The following CTNNA3 variants were observed in gnomAD, a reference collection of about 807,000 sequenced individuals.
The protein encoded by CTNNA3 is catenin alpha-3.
Under a neutral mutation model 95.7 loss-of-function variants are expected in CTNNA3, and 76 were observed. The observed-to-expected ratio is 0.79, with a 90% CI of 0.66 to 0.96. The LOEUF is 0.96. Ranked by LOEUF, CTNNA3 falls within the 40% of genes least tolerant of loss-of-function variation. CTNNA3 has a pLI of 0.00. For missense variants in CTNNA3, 1,191 were observed against 1,089.8 expected (o/e 1.09, Z -1.31); for synonymous variants, 431 against 374.4 (o/e 1.15, Z -1.74).
intron 5 of CTNNA3, among the ~76,000 whole-genome samples, chr10:67,515,688 G>A (rs1190640165): frequency 6.6e-6 from 1 of 152,106 alleles, no homozygotes; most frequent in Non-Finnish European, 1.5e-5. Context: ...GCAGTCCTTG[G>A]TTCACTTACC....
At chr10:66,686,036 T>A (rs1847283728) in intron 9 of CTNNA3, among the ~76,000 whole-genome samples, 1 of 152,216 alleles carries the variant, frequency 6.6e-6, no homozygotes, top group African/African-American at 2.4e-5. Context: ...TATTTCCATA[T>A]GCACAGTTTA....
chr10:66,436,621 C>A (rs1248925125), intron 11 of CTNNA3, among the ~76,000 whole-genome samples: 3 of 150,144 alleles, frequency 2.0e-5, no homozygotes, highest in Non-Finnish European at 4.4e-5. Flanking sequence ...TACAGGACAC[C>A]TATGGGTCTT....
intron 13 of CTNNA3, among the ~76,000 whole-genome samples, chr10:66,171,090 G>T (rs980968698): frequency 6.6e-6 from 1 of 152,096 alleles, no homozygotes; most frequent in East Asian, 1.9e-4. Flanking sequence ...CCGAGATGGA[G>T]CCACTGCACT....
At chr10:67,019,454 G>A (rs1852858173) in intron 7 of CTNNA3, among the ~76,000 whole-genome samples, 1 of 152,168 alleles carries the variant, frequency 6.6e-6, no homozygotes, top group Admixed American at 6.5e-5. Flanking sequence ...CCGACCTCAG[G>A]TGATCCCCCT....
intron 11 of CTNNA3, among the ~76,000 whole-genome samples, chr10:66,509,703 T>G (rs1840587904): frequency 6.6e-6 from 1 of 152,024 alleles, no homozygotes; most frequent in South Asian, 2.1e-4. Context: ...TTCTGGGTTC[T>G]CTATCTTATT....
At chr10:66,478,984 C>A (rs1485186513) in intron 11 of CTNNA3, among the ~76,000 whole-genome samples, 1 of 151,738 alleles carries the variant, frequency 6.6e-6, no homozygotes, top group Admixed American at 6.6e-5. Context: ...TTTTTCCTAA[C>A]CCAAGGTCAT....
intron 15 of CTNNA3, 24 bp from the exon 16 acceptor site, chr10:65,988,821 A>T (rs1272174758): frequency 6.5e-7 from 1 of 1,545,178 alleles, no homozygotes; most frequent in Non-Finnish European, 8.9e-7. Context: ...TATATATGTT[A>T]GCTGTGGTGT....
intron 10 of CTNNA3, among the ~76,000 whole-genome samples, chr10:66,540,563 T>C (rs1340608668): frequency 6.6e-6 from 1 of 152,068 alleles, no homozygotes; most frequent in Non-Finnish European, 1.5e-5. Flanking sequence ...TTGAGCCGTT[T>C]TTTCATGTAA....
chr10:66,293,172 G>A (rs927961644), intron 12 of CTNNA3, among the ~76,000 whole-genome samples: 1 of 152,086 alleles, frequency 6.6e-6, no homozygotes. Context: ...GTCCTATAAA[G>A]CTTTTAAAAG....
chr10:66,847,866 G>A (rs923560287), intron 7 of CTNNA3, among the ~76,000 whole-genome samples: 1 of 152,040 alleles, frequency 6.6e-6, no homozygotes, highest in Admixed American at 6.5e-5. Context: ...AATGTATTAG[G>A]AATTAATAGA....
chr10:66,008,251 G>A (rs2078936304), intron 15 of CTNNA3, among the ~76,000 whole-genome samples: 1 of 152,192 alleles, frequency 6.6e-6, no homozygotes, highest in South Asian at 2.1e-4. Context: ...AGGTTACTCT[G>A]AATATAATTC....
chr10:66,858,529 T>C (rs576589458), intron 7 of CTNNA3, among the ~76,000 whole-genome samples: 1 of 152,126 alleles, frequency 6.6e-6, no homozygotes, highest in East Asian at 1.9e-4. Context: ...ATTCATCTGG[T>C]CCTGGGCTTT....
At chr10:66,409,350 C>T (rs535530423) in intron 11 of CTNNA3, among the ~76,000 whole-genome samples, 7 of 152,116 alleles carry the variant, frequency 4.6e-5, no homozygotes, top group Admixed American at 3.3e-4. Context: ...TTTCACTTCA[C>T]CTCATCTCAT....
chr10:67,035,516 T>C (rs1853993685), intron 7 of CTNNA3, among the ~76,000 whole-genome samples: 1 of 152,194 alleles, frequency 6.6e-6, no homozygotes, highest in Admixed American at 6.5e-5. Context: ...GGAGAAAGTT[T>C]ACTTGTTTTT....
chr10:66,456,404 A>C (rs1024850123), intron 11 of CTNNA3, among the ~76,000 whole-genome samples: 3 of 152,196 alleles, frequency 2.0e-5, no homozygotes, highest in Non-Finnish European at 2.9e-5. Context: ...AATGGGGAAA[A>C]GACAGTCTTT....
chr10:67,743,556 G>A (rs1446161804), intron 1 of CTNNA3, among the ~76,000 whole-genome samples: 2 of 151,322 alleles, frequency 1.3e-5, no homozygotes, highest in African/African-American at 4.8e-5. Flanking sequence ...TAATGAATGG[G>A]CAAAAACTGG....
At chr10:66,881,591 G>A (rs1237142849) in intron 7 of CTNNA3, among the ~76,000 whole-genome samples, 1 of 152,060 alleles carries the variant, frequency 6.6e-6, no homozygotes, top group Non-Finnish European at 1.5e-5. Context: ...GATTTGTGGT[G>A]CTTGTCATCT....
chr10:66,523,657 G>A (rs796512012), intron 10 of CTNNA3, among the ~76,000 whole-genome samples: 8 of 151,684 alleles, frequency 5.3e-5, no homozygotes, highest in African/African-American at 1.9e-4. Context: ...TTTACATGTC[G>A]GTCACTTGAC....
intron 9 of CTNNA3, among the ~76,000 whole-genome samples, chr10:66,670,313 C>T (rs1408350499): frequency 6.6e-6 from 1 of 152,142 alleles, no homozygotes; most frequent in Non-Finnish European, 1.5e-5. Flanking sequence ...TGCTGGCCAG[C>T]CTGGGCTCTT....
Sources: allele counts gnomAD v4.1 joint callset (sites outside exome capture counted in the v4.1 genomes callset), GRCh38; gene constraint gnomAD v4.1.1; transcripts MANE v1.5; gene names NCBI Gene and HGNC (gene_info 2026-07-23, HGNC 2026-07-21).